Variants in RNASEL observed in about 807,000 individuals in gnomAD.
RNASEL encodes the protein ribonuclease L.
A neutral mutation model predicts 50.9 loss-of-function variants in RNASEL; 36 were observed. That is an observed-to-expected ratio of 0.71 (90% confidence interval 0.54 to 0.93). The LOEUF (loss-of-function observed/expected upper bound fraction) is 0.93. Ranked by LOEUF, RNASEL falls within the 40% of genes least tolerant of loss-of-function variation. The pLI, the probability that RNASEL is intolerant of heterozygous loss-of-function variation, is 0.00. For synonymous variants in RNASEL, 335 were observed against 335.6 expected, an observed-to-expected ratio of 1.00 and a Z score of 0.02; for missense variants, 860 against 894.5, an observed-to-expected ratio of 0.96 and a Z score of 0.49.
At position 182,576,328 on chromosome 1, in the gene RNASEL, T is replaced by C; in HGVS notation, c.1967A>G (p.Gln656Arg). ...KFYEKRGNFY[Q>R]NTVGDLLKFI... ...CTTTAGCAGATCACCCACAGTGTTC[T>C]GGTAGAAATTGCCTCTTTTTTCATA... The change falls in exon 6 of 7, where the codon CAG becomes CGG. Residue 656 changes from glutamine to arginine, a missense_variant. Transcript: ENST00000367559. 6.2e-7 allele frequency: 1 copy of C among 1,609,760 alleles called. No homozygotes were observed. The highest frequency in any genetic ancestry group is 8.5e-7 in the Non-Finnish European group (1 of 1,176,608).
rs1450779808 is a variant in RNASEL, at chr1:182,586,271, C to T, written c.536G>A (p.Gly179Glu). Residue 179 changes from glycine (G) to glutamate (E), a missense_variant, in exon 2 of 7, where the codon GGA becomes GAA. Transcript: ENST00000367559. ...GAGAATCTTCAAGACCTCTACGTGT[C>T]CTTTTTCAGCAGCGTCCATGAGAGC... ...ATALMDAAEK[G>E]HVEVLKILLD... 11 of 1,614,092 alleles carry T rather than the reference C, an allele frequency of 6.8e-6. No homozygotes were observed. Among genetic ancestry groups the T allele is most frequent in the Non-Finnish European group, 9.3e-6 (11 of 1,180,030 alleles).
chr1:182,579,472 C>A (rs557934), intron 5 of RNASEL: 327,914 of 1,012,324 alleles, frequency 0.32, 55,380 homozygotes, highest in Non-Finnish European at 0.34. Flanking sequence ...TGAGACTGGC[C>A]AGGTGCACTC....
intron 3 of RNASEL, among the ~76,000 whole-genome samples, chr1:182,583,449 T>C (rs1458206418): frequency 6.6e-5 from 10 of 152,150 alleles, no homozygotes; most frequent in Admixed American, 1.3e-4. Context: ...CAATTGCCCA[T>C]AGGAAATAAG....
intron 5 of RNASEL, chr1:182,579,763 G>A (rs1661455486): frequency 8.6e-7 from 1 of 1,166,632 alleles, no homozygotes; most frequent in African/African-American, 1.6e-5. Flanking sequence ...AAAAGAACAA[G>A]TTCCTCTTTC....
At chr1:182,581,071 C>A (rs992298286) in intron 5 of RNASEL, among the ~76,000 whole-genome samples, 154 bp downstream of exon 5, 5 of 152,118 alleles carry the variant, frequency 3.3e-5, no homozygotes, top group Non-Finnish European at 1.5e-5. Context: ...CGGCAGGGAG[C>A]CTAGGGGGAT....
chr1:182,575,709 A>G lies in RNASEL; in HGVS notation c.2040-131T>C, dbSNP rs187138856. The G allele has an allele frequency of 2.5e-5, 28 of 1,139,728 alleles. No individual in the cohort carries two copies. The East Asian group carries it at 6.7e-4, about 27-fold the overall frequency. 70.6% of individuals were successfully genotyped at this position (1,139,728 alleles called of 1,614,324 possible). On this transcript the variant is annotated intron_variant, in intron 6 of 6. Coordinates refer to ENST00000367559, the MANE Select transcript of RNASEL (RefSeq NM_021133.4). ...GAATGAATAAGGACTTTGGAATCTGACAGAGCAAGACTCCTCCCCTGACTC... is the reference window on the plus strand; with the variant it reads ...GAATGAATAAGGACTTTGGAATCTGGCAGAGCAAGACTCCTCCCCTGACTC...
Position 182,574,778 on chromosome 1 carries a change from T to C in RNASEL, c.*614A>G. On this transcript the variant is annotated 3_prime_UTR_variant, in exon 7 of 7. Transcript: ENST00000367559. ...GTCATGGAAAACCAATGCAGTTGGT[T>C]CTGGAAGGAGTGGAATTCATGCATC... The C allele has an allele frequency of 4.3e-6, 1 of 232,636 alleles. No homozygotes were observed. The highest frequency in any genetic ancestry group is 6.1e-5 in the East Asian group (1 of 16,488). 14.4% of individuals were successfully genotyped at this position (232,636 alleles called of 1,614,324 possible).
At position 182,575,143 on chromosome 1, in the gene RNASEL, G is replaced by A. The variant is rs1008365129; in HGVS notation, c.*249C>T. On this transcript the variant is annotated 3_prime_UTR_variant, in exon 7 of 7. Transcript: ENST00000367559. ...GGGTCAAGGCACTCATTCTTTTGGT[G>A]CAATTGACAAAAGGAATCTTAGCAG... 3.7e-6 allele frequency: 2 copies of A among 538,796 alleles called. No homozygotes were observed. Among genetic ancestry groups the A allele is most frequent in the Non-Finnish European group, 6.6e-6 (2 of 300,988 alleles). The allele number at this position is 538,796 out of a possible 1,614,324, so 33.4% of individuals were successfully genotyped here.
chr1:182,580,066 T>C (rs1661462105), intron 5 of RNASEL: 1 of 431,536 alleles, frequency 2.3e-6, no homozygotes. Context: ...TGGTAACTCA[T>C]GTAAAGTCTC....
intron 5 of RNASEL, chr1:182,576,912 T>C (rs1221431026): frequency 2.7e-5 from 4 of 150,868 alleles, no homozygotes; most frequent in Admixed American, 1.3e-4. Context: ...AGTCTCACTC[T>C]GTCACCAGGG....
chr1:182,575,277 C>G lies in RNASEL; in HGVS notation c.*115G>C. ...ACGATGCCAGGGACTGACATATCAG[C>G]TATGCAACTCATCCCTCACAAGCAA... On this transcript the variant is annotated 3_prime_UTR_variant, in exon 7 of 7. Coordinates refer to ENST00000367559, the MANE Select transcript of RNASEL (RefSeq NM_021133.4). 1.0e-6 allele frequency: 1 copy of G among 962,682 alleles called. No homozygotes were observed. Among genetic ancestry groups the G allele is most frequent in the Admixed American group, 1.7e-5 (1 of 58,676 alleles). 59.6% of individuals were successfully genotyped at this position (962,682 alleles called of 1,614,324 possible). A position where few individuals can be genotyped will look rare whatever the true frequency, so the allele number is the denominator to read the frequency against.
Position 182,586,691 on chromosome 1 carries a change from TCAA to T in RNASEL, c.113_115del (p.Val38del). On this transcript the variant is annotated inframe_deletion, in exon 2 of 7. Transcript: ENST00000367559. ...ACCTTCCAGCAATTGCTGGACCAGG[TCAA>T]CATCTTCGTTTTGAACAGCTTTAAT... is the stretch of plus-strand genomic sequence containing the variant. The T allele has an allele frequency of 6.2e-7, 1 of 1,614,196 alleles. No individual in the cohort carries two copies. Among genetic ancestry groups the T allele is most frequent in the South Asian group, 1.1e-5 (1 of 91,082 alleles).
At chr1:182,579,886 G>A in intron 5 of RNASEL, 1 of 487,162 alleles carries the variant, frequency 2.1e-6, no homozygotes, top group Non-Finnish European at 3.9e-6. Flanking sequence ...ACAGCTTCAT[G>A]TAGTGGTGTG....
At chr1:182,588,846 A>T (rs894351360) in intron 1 of RNASEL, among the ~76,000 whole-genome samples, 27 of 152,354 alleles carry the variant, frequency 1.8e-4, no homozygotes, top group Middle Eastern at 3.4e-3. Flanking sequence ...GCCCTGAGTG[A>T]CGCATCAGAG....
Position 182,575,024 on chromosome 1 carries a change from C to T in RNASEL, c.*368G>A. 2.8e-6 allele frequency: 1 copy of T among 354,662 alleles called. No individual in the cohort carries two copies. The highest frequency in any genetic ancestry group is 5.2e-6 in the Non-Finnish European group (1 of 191,334). 22.0% of individuals were successfully genotyped at this position (354,662 alleles called of 1,614,324 possible). A position where few individuals can be genotyped will look rare whatever the true frequency, so the allele number is the denominator to read the frequency against. On this transcript the variant is annotated 3_prime_UTR_variant, in exon 7 of 7. Transcript: ENST00000367559. ...CCAGTAGCTCACACTCTCTGAGTCT[C>T]AGGTTCCTCAGTTCTTAAATGGGGA...
Position 182,586,083 on chromosome 1 carries a change from G to T in RNASEL, c.724C>A (p.Pro242Thr), listed in dbSNP as rs772560851. 6.2e-7 allele frequency: 1 copy of T among 1,614,120 alleles called. No individual in the cohort carries two copies. The change falls in exon 2 of 7, where the codon CCC becomes ACC. Residue 242 changes from proline (P) to threonine (T), a missense_variant. By Grantham distance (38) the Pro-to-Thr change is conservative. Transcript: ENST00000367559. ...TTCTTCTCCACTGCCAGGATCAGGG[G>T]AGTCTTCCCTCTTTCTCCCCTCACA... ...VNVRGERGKT[P>T]LILAVEKKHL... is the part of the protein sequence containing the mutation.
At chr1:182,583,692 C>G (rs887618965) in intron 3 of RNASEL, among the ~76,000 whole-genome samples, 1 of 152,208 alleles carries the variant, frequency 6.6e-6, no homozygotes, top group Non-Finnish European at 1.5e-5. Context: ...GCTAAGACTT[C>G]TGGCCTTCAT....
chr1:182,579,495 C>T, intron 5 of RNASEL: 1 of 1,076,552 alleles, frequency 9.3e-7, no homozygotes, highest in Non-Finnish European at 1.1e-6. Context: ...TGCAGAACAC[C>T]CGTGAGAAAC....
chr1:182,575,097 T>C lies in RNASEL; in HGVS notation c.*295A>G, dbSNP rs995178057. ...TCATTGGGAAAATTAAGTGAGAGAA[T>C]TGTAACATATGCAGCATTAGGGGTC... On this transcript the variant is annotated 3_prime_UTR_variant, in exon 7 of 7. Transcript: ENST00000367559. The C allele has an allele frequency of 2.3e-6, 1 of 427,230 alleles. No individual in the cohort carries two copies. Among genetic ancestry groups the C allele is most frequent in the Non-Finnish European group, 4.2e-6 (1 of 236,558 alleles). 26.5% of individuals were successfully genotyped at this position (427,230 alleles called of 1,614,324 possible).
Sources: allele counts gnomAD v4.1 joint callset (sites outside exome capture counted in the v4.1 genomes callset), GRCh38; gene constraint gnomAD v4.1.1; transcripts MANE v1.5; gene names NCBI Gene and HGNC (gene_info 2026-07-23, HGNC 2026-07-21).